CYB5B: variants seen among roughly 807,000 people sequenced by gnomAD.
The protein encoded by CYB5B is cytochrome b5 type B.
Under a neutral mutation model 21.3 loss-of-function variants are expected in CYB5B, and 14 were observed. The observed-to-expected ratio is 0.66, with a 90% CI of 0.43 to 1.03. The LOEUF is 1.03. Among genes scored for constraint, CYB5B ranks in the 50% least tolerant of loss-of-function variants. The pLI, the probability that CYB5B is intolerant of heterozygous loss-of-function variation, is 0.00. For synonymous variants in CYB5B, 69 were observed against 68.4 expected (o/e 1.01, Z -0.04); for missense variants, 166 against 185.1 (o/e 0.90, Z 0.60).
chr16:69,459,265 G>T, intron 4 of CYB5B, 144 bp downstream of exon 4: 1 of 1,056,128 alleles, frequency 9.5e-7, no homozygotes, highest in South Asian at 2.0e-5. Context: ...AAATTCAGTT[G>T]TTCCTTGACA....
intron 3 of CYB5B, among the ~76,000 whole-genome samples, chr16:69,453,599 C>T (rs527590665): frequency 1.3e-5 from 2 of 152,106 alleles, no homozygotes; most frequent in East Asian, 1.9e-4. Context: ...GCTCTGTCAC[C>T]CAGGTTGGAG....
intron 1 of CYB5B, among the ~76,000 whole-genome samples, chr16:69,437,450 G>C (rs2014772045): frequency 6.6e-6 from 1 of 152,118 alleles, no homozygotes; most frequent in Non-Finnish European, 1.5e-5. Context: ...TGAGTGTCTA[G>C]TAGATTTGAA....
intron 1 of CYB5B, 86 bp from the exon 2 acceptor site, chr16:69,447,064 A>G: frequency 6.8e-7 from 1 of 1,462,744 alleles, no homozygotes; most frequent in Non-Finnish European, 9.3e-7. Flanking sequence ...TATTAAAGGG[A>G]GAAAGGAAGA....
At chr16:69,435,121 C>T (rs1398066157) in intron 1 of CYB5B, among the ~76,000 whole-genome samples, 1 of 152,058 alleles carries the variant, frequency 6.6e-6, no homozygotes, top group East Asian at 1.9e-4. Context: ...TTCTACTTTA[C>T]CACTTAATAG....
chr16:69,456,409 A>G (rs1251047063), intron 3 of CYB5B, among the ~76,000 whole-genome samples: 1 of 152,254 alleles, frequency 6.6e-6, no homozygotes, highest in Non-Finnish European at 1.5e-5. Context: ...AGCTAAAGTC[A>G]GAGTAGACTT....
chr16:69,461,349 A>T (rs1246518245), intron 4 of CYB5B, among the ~76,000 whole-genome samples: 1 of 152,200 alleles, frequency 6.6e-6, no homozygotes, highest in African/African-American at 2.4e-5. Context: ...CAGAGTTCCC[A>T]TGTGCATATT....
At chr16:69,451,263 C>T (rs1009100193) in intron 3 of CYB5B, among the ~76,000 whole-genome samples, 1 of 152,150 alleles carries the variant, frequency 6.6e-6, no homozygotes. Context: ...TTTTTGGTTA[C>T]GGAAACTCAC....
At chr16:69,435,390 C>T (rs939652370) in intron 1 of CYB5B, among the ~76,000 whole-genome samples, 3 of 152,120 alleles carry the variant, frequency 2.0e-5, no homozygotes, top group African/African-American at 4.8e-5. Flanking sequence ...GTGGCAAGTG[C>T]TTTGAAGGAT....
In CYB5B at chr16:69,465,661, T is replaced by C. The variant is rs769349504; in HGVS notation, c.*3141T>C. The C allele has an allele frequency of 4.6e-5, 7 of 152,206 alleles. No individual in the cohort carries two copies. Among genetic ancestry groups the C allele is most frequent in the Non-Finnish European group, 8.8e-5 (6 of 68,026 alleles). 9.4% of individuals were successfully genotyped at this position (152,206 alleles called of 1,614,324 possible). On this transcript the variant is annotated 3_prime_UTR_variant, in exon 5 of 5. Coordinates refer to ENST00000307892, the MANE Select transcript of CYB5B (RefSeq NM_030579.3). ...TTTACAGGCCTGGAGTATCATTACT[T>C]ATGGTATCTCCTGCTTTAAAATCTC... is the stretch of plus-strand genomic sequence containing the variant.
In CYB5B at chr16:69,462,867, A is replaced by G. The variant is rs1597289026; in HGVS notation, c.*347A>G. The G allele has an allele frequency of 1.0e-5, 2 of 195,492 alleles. No individual in the cohort carries two copies. The highest frequency in any genetic ancestry group is 2.1e-5 in the Non-Finnish European group (2 of 93,184). 12.1% of individuals were successfully genotyped at this position (195,492 alleles called of 1,614,324 possible). On this transcript the variant is annotated 3_prime_UTR_variant, in exon 5 of 5. Transcript: ENST00000307892. Reference sequence around the variant, plus strand: ...CTGCTTTCCAATACTTTGATTGCATATTAGACATTCTTAACAGGGCGGCAG... The same window carrying G: ...CTGCTTTCCAATACTTTGATTGCATGTTAGACATTCTTAACAGGGCGGCAG...
Position 69,447,323 on chromosome 16 carries a change from T to G in CYB5B, c.303+45T>G, listed in dbSNP as rs189673648. The G allele has an allele frequency of 8.8e-6, 14 of 1,598,870 alleles. 1 individual carries two copies. The Admixed American group carries it at 2.2e-4, about 25-fold the overall frequency. ...GGAGCCCTTATGCAGAGAAAACTAC[T>G]TAACAGCTGCAGAACAGGATGAAGA... On this transcript the variant is annotated intron_variant, in intron 2 of 4. Coordinates refer to ENST00000307892, the MANE Select transcript of CYB5B (RefSeq NM_030579.3).
At chr16:69,462,266 T>C (rs2015042245) in intron 4 of CYB5B, among the ~76,000 whole-genome samples, 164 bp from the exon 5 acceptor site, 2 of 152,160 alleles carry the variant, frequency 1.3e-5, no homozygotes, top group South Asian at 4.1e-4. Context: ...ATATTGTCAC[T>C]CCAATTCAAA....
rs2015077498 is a variant in CYB5B at position 69,465,277 on chromosome 16, T to G, written c.*2757T>G. ...CACGAAGGAGGAGGTGAGAGAAGTTTCATGCTACCGAAATAGAGGGTGTTG... is the reference window on the plus strand; with the variant it reads ...CACGAAGGAGGAGGTGAGAGAAGTTGCATGCTACCGAAATAGAGGGTGTTG... On this transcript the variant is annotated 3_prime_UTR_variant, in exon 5 of 5. Coordinates refer to ENST00000307892, the MANE Select transcript of CYB5B (RefSeq NM_030579.3). 6.6e-6 allele frequency: 1 copy of G among 152,480 alleles called. No homozygotes were observed. The highest frequency in any genetic ancestry group is 2.4e-5 in the African/African-American group (1 of 41,446). The allele number at this position is 152,480 out of a possible 1,614,324, so 9.4% of individuals were successfully genotyped here. A position where few individuals can be genotyped will look rare whatever the true frequency, so the allele number is the denominator to read the frequency against.
intron 1 of CYB5B, among the ~76,000 whole-genome samples, chr16:69,442,111 CAATT>C (rs933946345): frequency 2.5e-4 from 37 of 146,330 alleles, no homozygotes; most frequent in African/African-American, 7.4e-4. Flanking sequence ...AAAATACTAA[CAATT>C]AAATATAAAA....
At position 69,462,719 on chromosome 16, in the gene CYB5B, G is replaced by C; in HGVS notation, c.*199G>C. ...TCAGAGCCTTACTCCCAAAGTACCT[G>C]CTCACTGTTCCGTGTTGAACAATTG... On this transcript the variant is annotated 3_prime_UTR_variant, in exon 5 of 5. Coordinates refer to ENST00000307892, the MANE Select transcript of CYB5B (RefSeq NM_030579.3). 1 of 555,488 alleles carries C rather than the reference G, an allele frequency of 1.8e-6. No homozygotes were observed. The highest frequency in any genetic ancestry group is 3.2e-6 in the Non-Finnish European group (1 of 308,428). 34.4% of individuals were successfully genotyped at this position (555,488 alleles called of 1,614,324 possible).
At chr16:69,437,047 T>G (rs2014768010) in intron 1 of CYB5B, among the ~76,000 whole-genome samples, 1 of 152,238 alleles carries the variant, frequency 6.6e-6, no homozygotes. Context: ...TCACATATTC[T>G]TTGGACAGTT....
chr16:69,426,427 C>T (rs559469387), intron 1 of CYB5B, among the ~76,000 whole-genome samples: 55 of 139,164 alleles, frequency 4.0e-4, no homozygotes, highest in South Asian at 1.6e-3. Context: ...ACTTTCCCGG[C>T]CAGGTGTGGT....
At chr16:69,458,978 G>T in intron 3 of CYB5B, 115 bp from the exon 4 acceptor site, 1 of 890,082 alleles carries the variant, frequency 1.1e-6, no homozygotes, top group Non-Finnish European at 1.7e-6. Context: ...GAAAGATGAA[G>T]TTCTGGTATC....
At chr16:69,432,986 C>T (rs2014721803) in intron 1 of CYB5B, among the ~76,000 whole-genome samples, 1 of 152,108 alleles carries the variant, frequency 6.6e-6, no homozygotes, top group Non-Finnish European at 1.5e-5. Context: ...TTAATAGAGA[C>T]GGGGTTTTGC....
Sources: allele counts gnomAD v4.1 joint callset (sites outside exome capture counted in the v4.1 genomes callset), GRCh38; gene constraint gnomAD v4.1.1; transcripts MANE v1.5; gene names NCBI Gene and HGNC (gene_info 2026-07-23, HGNC 2026-07-21).